Variants in PDS5A observed in about 807,000 individuals in gnomAD.
The protein encoded by PDS5A is sister chromatid cohesion protein PDS5 homolog A.
In PDS5A, 42 loss-of-function variants were observed where a neutral mutation model predicts 167.1. The observed-to-expected ratio is 0.25, with a 90% CI of 0.20 to 0.33. The LOEUF (loss-of-function observed/expected upper bound fraction) is 0.33. Ranked by LOEUF, PDS5A falls within the 10% of genes least tolerant of loss-of-function variation. PDS5A has a pLI of 1.00. For missense variants in PDS5A, 1,033 were observed against 1,605.9 expected (o/e 0.64, Z 6.10); for synonymous variants, 553 against 554.6 (o/e 1.00, Z 0.04).
intron 26 of PDS5A, among the ~76,000 whole-genome samples, chr4:39,849,895 T>C (rs528475306): frequency 6.6e-5 from 10 of 152,272 alleles, no homozygotes; most frequent in Non-Finnish European, 1.3e-4. Flanking sequence ...ATAAGGCATA[T>C]AAAGATTCAC....
chr4:39,964,188 G>A (rs938741112), intron 2 of PDS5A, among the ~76,000 whole-genome samples: 20 of 152,280 alleles, frequency 1.3e-4, no homozygotes, highest in African/African-American at 4.8e-4. Flanking sequence ...TGTGTTTACA[G>A]TAGGGTAGTA....
chr4:39,941,527 C>T (rs1578789504), intron 2 of PDS5A, among the ~76,000 whole-genome samples: 1 of 152,182 alleles, frequency 6.6e-6, no homozygotes, highest in African/African-American at 2.4e-5. Flanking sequence ...TAACATAGCC[C>T]TTTTATTTAT....
chr4:39,901,540 G>A (rs1337469182), intron 13 of PDS5A, among the ~76,000 whole-genome samples: 3 of 152,118 alleles, frequency 2.0e-5, no homozygotes, highest in Non-Finnish European at 4.4e-5. Context: ...AAAATGCTGG[G>A]ATTACAGGGG....
intron 9 of PDS5A, among the ~76,000 whole-genome samples, chr4:39,911,411 A>T (rs1435449336): frequency 1.4e-5 from 2 of 145,632 alleles, no homozygotes; most frequent in Admixed American, 6.9e-5. Context: ...AAAAAAAAAA[A>T]TTTGTGTTGC....
At chr4:39,883,379 C>T (rs755246863) in intron 17 of PDS5A, among the ~76,000 whole-genome samples, 1 of 152,106 alleles carries the variant, frequency 6.6e-6, no homozygotes, top group African/African-American at 2.4e-5. Context: ...TGGGGTTTCA[C>T]CATGTTGGCC....
Position 39,874,404 on chromosome 4 carries a change from A to G in PDS5A, c.2162T>C (p.Ile721Thr), listed in dbSNP as rs1477484914. The change falls in exon 20 of 33, where the codon ATT becomes ACT. Residue 721 changes from isoleucine to threonine, a missense_variant. Physicochemically the swap from Ile to Thr is moderately conservative, Grantham distance 89 (BLOSUM62 -1). Transcript: ENST00000303538. The part of the protein sequence containing the change: ...TDLPQIRSTL[I>T]PILHQKAKRG... ...CTTTGCTTTTTGATGTAAAATGGGAATTAAGGTCCTGCAAAAAATAATATA... is the reference window on the plus strand; with the variant it reads ...CTTTGCTTTTTGATGTAAAATGGGAGTTAAGGTCCTGCAAAAAATAATATA... 6.2e-7 allele frequency: 1 copy of G among 1,612,272 alleles called. No homozygotes were observed. The highest frequency in any genetic ancestry group is 1.3e-5 in the African/African-American group (1 of 74,868).
intron 9 of PDS5A, among the ~76,000 whole-genome samples, chr4:39,913,197 G>A (rs1479787425): frequency 6.6e-6 from 1 of 151,254 alleles, no homozygotes; most frequent in Admixed American, 6.6e-5. Flanking sequence ...GGATTCTCCC[G>A]CCTCAGCCTC....
chr4:39,897,124 T>C (rs1722484134), intron 16 of PDS5A, among the ~76,000 whole-genome samples: 1 of 152,188 alleles, frequency 6.6e-6, no homozygotes, highest in Non-Finnish European at 1.5e-5. Flanking sequence ...CCTGGGTGTG[T>C]GGCTCATGCC....
chr4:39,912,045 T>C (rs559432243), intron 9 of PDS5A, among the ~76,000 whole-genome samples: 2 of 152,288 alleles, frequency 1.3e-5, no homozygotes, highest in South Asian at 4.1e-4. Context: ...GTCTATGGCC[T>C]CCCACTTTCT....
At chr4:39,841,427 G>T (rs926155660) in intron 31 of PDS5A, among the ~76,000 whole-genome samples, 1 of 152,032 alleles carries the variant, frequency 6.6e-6, no homozygotes, top group Non-Finnish European at 1.5e-5. Context: ...ATGAGCCAAC[G>T]CACCAGGCCT....
At chr4:39,847,593 CA>C (rs1225427276) in intron 28 of PDS5A, 49 of 144,812 alleles carry the variant, frequency 3.4e-4, no homozygotes, top group Admixed American at 1.7e-3. Flanking sequence ...GACGGAGACT[CA>C]AAAAAAAAAA....
At chr4:39,838,856 C>A (rs1056236964) in intron 31 of PDS5A, among the ~76,000 whole-genome samples, 5 of 150,976 alleles carry the variant, frequency 3.3e-5, no homozygotes, top group African/African-American at 1.2e-4. Flanking sequence ...CCTGTCTCTA[C>A]TAAAAATACA....
At chr4:39,827,471 G>A (rs557907881) in intron 32 of PDS5A, among the ~76,000 whole-genome samples, 1 of 152,152 alleles carries the variant, frequency 6.6e-6, no homozygotes, top group South Asian at 2.1e-4. Context: ...GCAAGCACTT[G>A]GCTTCTGAAA....
rs564893736 is a variant in PDS5A at position 39,829,540 on chromosome 4, G to A, written c.4011-4052C>T. On this transcript the variant is annotated intron_variant, in intron 32 of 32. Coordinates refer to ENST00000303538, the MANE Select transcript of PDS5A (RefSeq NM_001100399.2). ...CACACACCTGTAGTTCTAGCTACTC[G>A]GGAGGCTGAAGCAGAAAAATTGCTT... Among the ~76,000 whole-genome samples, 15 of 151,998 alleles carry A rather than the reference G, an allele frequency of 9.9e-5. No individual in the cohort carries two copies. The South Asian group carries it at 1.0e-3, about 11-fold the overall frequency.
intron 2 of PDS5A, among the ~76,000 whole-genome samples, chr4:39,950,552 G>A (rs1032271118): frequency 2.0e-5 from 3 of 152,064 alleles, no homozygotes; most frequent in Non-Finnish European, 4.4e-5. Flanking sequence ...GGGCAACATG[G>A]TGAAACCCCA....
intron 2 of PDS5A, among the ~76,000 whole-genome samples, chr4:39,930,246 A>AAAAAAAAAAAAAAATTTTTTTT: frequency 1.8e-4 from 17 of 93,162 alleles, no homozygotes; most frequent in Non-Finnish European, 3.1e-4. Flanking sequence ...AAAAAAAAAA[A>AAAAAAAAAAAAAAATTTTTTTT]GTTTTTTTGT....
intron 2 of PDS5A, among the ~76,000 whole-genome samples, chr4:39,954,019 A>G (rs1253185978): frequency 6.6e-6 from 1 of 152,080 alleles, no homozygotes; most frequent in African/African-American, 2.4e-5. Context: ...ATAGGCCCCA[A>G]CTGAGGTACT....
At chr4:39,975,071 C>T (rs1470037194) in intron 2 of PDS5A, among the ~76,000 whole-genome samples, 6 of 142,988 alleles carry the variant, frequency 4.2e-5, no homozygotes, top group Non-Finnish European at 7.5e-5. Context: ...CGCGCCACTG[C>T]ACTCCAGCCT....
At chr4:39,962,750 ACACAC>A (rs1578836777) in intron 2 of PDS5A, among the ~76,000 whole-genome samples, 2 of 151,738 alleles carry the variant, frequency 1.3e-5, no homozygotes, top group African/African-American at 2.4e-5. Flanking sequence ...GTTGCAGTGA[ACACAC>A]CACTGCACTC....
Sources: gnomAD v4.1 joint callset for allele counts (sites outside exome capture counted in the v4.1 genomes callset) on GRCh38, gnomAD v4.1.1 for gene constraint, MANE v1.5 for transcripts, NCBI Gene and HGNC (gene_info 2026-07-23, HGNC 2026-07-21) for gene names.